PFKFB1: variants seen among roughly 807,000 people sequenced by gnomAD.
The protein encoded by PFKFB1 is 6-phosphofructo-2-kinase/fructose-2,6-bisphosphatase 1.
PFKFB1 carries 34 observed loss-of-function variants against 46.4 expected under a neutral mutation model. The observed-to-expected ratio is 0.73, with a 90% CI of 0.56 to 0.98. The LOEUF (loss-of-function observed/expected upper bound fraction) is 0.98, where lower values mean the gene tolerates loss of function less well. PFKFB1 is among the 50% of genes least tolerant of loss of function. The pLI is 0.00. For synonymous variants in PFKFB1, 119 were observed against 133.8 expected, an observed-to-expected ratio of 0.89 and a Z score of 0.76; for missense variants, 393 against 376.3, an observed-to-expected ratio of 1.04 and a Z score of -0.37.
At chrX:54,948,097 A>G (rs1211557535) in intron 9 of PFKFB1, among the ~76,000 whole-genome samples, 1 of 109,809 alleles carries the variant, frequency 9.1e-6, no homozygotes, top group Non-Finnish European at 1.9e-5. Flanking sequence ...TAATTTTTAA[A>G]TTGTTTGTAG....
intron 3 of PFKFB1, 132 bp from the exon 4 acceptor site, chrX:54,960,025 A>G: frequency 3.8e-6 from 2 of 523,743 alleles, no homozygotes; most frequent in Non-Finnish European, 6.7e-6. Flanking sequence ...ACATCTACAC[A>G]GGGTGCCCTA....
At chrX:54,961,531 A>G (rs1934315436) in intron 2 of PFKFB1, among the ~76,000 whole-genome samples, 1 of 112,153 alleles carries the variant, frequency 8.9e-6, no homozygotes, top group South Asian at 3.7e-4. Flanking sequence ...CAAAGAGTTA[A>G]TATTTCATTC....
rs774321022 is a variant in PFKFB1 at position 54,952,087 on chromosome X, C to T, written c.664G>A (p.Asp222Asn). 1.3e-5 allele frequency: 16 copies of T among 1,209,202 alleles called. No homozygotes were observed. The highest frequency in any genetic ancestry group is 3.0e-5 in the East Asian group (1 of 33,756). Residue 222 changes from aspartate (D) to asparagine (N), a missense_variant, in exon 8 of 14, where the codon GAC becomes AAC. Physicochemically the swap from Asp to Asn is conservative, Grantham distance 23. Coordinates refer to ENST00000375006, the MANE Select transcript of PFKFB1 (RefSeq NM_002625.4). ...TTCACCATGTAGCGTGTGCCCACGT[C>T]GAAGATCTTGATGTAGGACAGGTGG... Reference protein sequence around the residue: ...DSHLSYIKIFDVGTRYMVNRV... With the variant: ...DSHLSYIKIFNVGTRYMVNRV...
chrX:54,986,425 A>T (rs1935115084), intron 1 of PFKFB1, among the ~76,000 whole-genome samples: 1 of 112,736 alleles, frequency 8.9e-6, no homozygotes, highest in African/African-American at 3.2e-5. Context: ...GGATGTTCAA[A>T]AACATTACTA....
At chrX:54,988,279 TA>T (rs909159575) in intron 1 of PFKFB1, among the ~76,000 whole-genome samples, 26 of 111,596 alleles carry the variant, frequency 2.3e-4, no homozygotes, top group African/African-American at 8.4e-4. Flanking sequence ...AAGAACACTT[TA>T]AAAAATGTAA....
intron 11 of PFKFB1, among the ~76,000 whole-genome samples, chrX:54,935,559 T>C (rs1933361293): frequency 8.9e-6 from 1 of 112,523 alleles, no homozygotes; most frequent in Admixed American, 9.3e-5. Context: ...TGAATATTCA[T>C]ATGCATTCTT....
intron 1 of PFKFB1, among the ~76,000 whole-genome samples, chrX:54,972,248 T>A (rs1356321065): frequency 1.8e-5 from 2 of 110,684 alleles, no homozygotes; most frequent in Non-Finnish European, 3.8e-5. Context: ...GATGAGACAA[T>A]GGGGTTTTCT....
intron 1 of PFKFB1, among the ~76,000 whole-genome samples, chrX:54,991,552 T>C (rs1014612735): frequency 9.2e-6 from 1 of 108,241 alleles, no homozygotes; most frequent in African/African-American, 3.4e-5. Flanking sequence ...TGTGTGTGTG[T>C]GTGTGTGTGT....
In PFKFB1 at chrX:54,952,118, C is replaced by T. The variant is rs1934001349; in HGVS notation, c.639-6G>A. Reference sequence around the variant, plus strand: ...TCTTGATGTAGGACAGGTGGCTGGGCCAGACCCAAGCAGGAGCAAGGGCAG... The same window carrying T: ...TCTTGATGTAGGACAGGTGGCTGGGTCAGACCCAAGCAGGAGCAAGGGCAG... On this transcript the variant is annotated splice_region_variant and splice_polypyrimidine_tract_variant and intron_variant, in intron 7 of 13. Transcript: ENST00000375006. 1 of 1,201,505 alleles carries T rather than the reference C, an allele frequency of 8.3e-7. No homozygotes were observed. Among genetic ancestry groups the T allele is most frequent in the African/African-American group, 1.8e-5 (1 of 56,912 alleles).
intron 10 of PFKFB1, among the ~76,000 whole-genome samples, chrX:54,938,404 T>C (rs1933485484): frequency 8.9e-6 from 1 of 111,789 alleles, no homozygotes; most frequent in African/African-American, 3.3e-5. Flanking sequence ...ATATTAACCT[T>C]AAATGTAAAT....
intron 9 of PFKFB1, among the ~76,000 whole-genome samples, chrX:54,947,988 T>C (rs944029460): frequency 5.5e-5 from 6 of 108,620 alleles, no homozygotes; most frequent in Non-Finnish European, 1.1e-4. Flanking sequence ...AGTGGCATGA[T>C]CACAGCTCAC....
At chrX:54,967,275 T>G (rs1234755203) in intron 1 of PFKFB1, among the ~76,000 whole-genome samples, 1 of 112,034 alleles carries the variant, frequency 8.9e-6, no homozygotes, top group Non-Finnish European at 1.9e-5. Context: ...TACATTAAAT[T>G]ATCTTAAATT....
intron 1 of PFKFB1, among the ~76,000 whole-genome samples, chrX:54,993,642 T>G (rs941782334): frequency 8.9e-6 from 1 of 112,410 alleles, no homozygotes; most frequent in African/African-American, 3.2e-5. Context: ...AAACAAGCTC[T>G]GCATAAGAAA....
At chrX:54,934,891 G>A in intron 12 of PFKFB1, 56 bp downstream of exon 12, 1 of 989,406 alleles carries the variant, frequency 1.0e-6, no homozygotes, top group South Asian at 2.0e-5. Context: ...GTAGGCACTA[G>A]GGCCATGCTC....
intron 4 of PFKFB1, 76 bp from the exon 5 acceptor site, chrX:54,959,001 C>T: frequency 1.6e-6 from 1 of 631,372 alleles, no homozygotes. Context: ...CATCCCTGTG[C>T]TAAGTGGAGG....
intron 9 of PFKFB1, among the ~76,000 whole-genome samples, chrX:54,948,173 T>C (rs1270080875): frequency 9.0e-6 from 1 of 111,355 alleles, no homozygotes; most frequent in African/African-American, 3.3e-5. Context: ...TCCTCCCACC[T>C]AGCCCTCCCA....
rs769989683 is a variant in PFKFB1 at position 54,967,187 on chromosome X, C to T, written c.98-3805G>A. Among the ~76,000 whole-genome samples the T allele has an allele frequency of 3.6e-5, 4 of 112,097 alleles. No homozygotes were observed. The South Asian group carries it at 1.1e-3, about 31-fold the overall frequency. ...ATACTCACAATGTCCAGGATACAAACTACAATTAATCAGCATGCAAATAAC... is the reference window on the plus strand; with the variant it reads ...ATACTCACAATGTCCAGGATACAAATTACAATTAATCAGCATGCAAATAAC... On this transcript the variant is annotated intron_variant, in intron 1 of 13. Transcript: ENST00000375006.
chrX:54,942,638 G>A (rs1193777363), intron 10 of PFKFB1, among the ~76,000 whole-genome samples: 1 of 110,731 alleles, frequency 9.0e-6, no homozygotes, highest in East Asian at 2.8e-4. Flanking sequence ...TAACACACAA[G>A]GAAATAAGCT....
At position 54,958,861 on chromosome X, in the gene PFKFB1, T is replaced by C. The variant is rs139060082; in HGVS notation, c.449A>G (p.His150Arg). 1.9e-4 allele frequency: 220 copies of C among 1,179,851 alleles called. No individual in the cohort carries two copies. In the African/African-American group the frequency reaches 3.3e-3, roughly 18 times the overall value. ...GGAGTGTTACCATACCTTGTAACCA[T>C]GTTCTTTTGCAAACTGCAGGATCAG... ...RSLILQFAKE[H>R]GYKVFFIESI... The change falls in exon 5 of 14, where the codon CAT (histidine) becomes CGT (arginine). Residue 150 changes from histidine to arginine, a missense_variant. Transcript: ENST00000375006.
Sources: gnomAD v4.1 joint callset for allele counts (sites outside exome capture counted in the v4.1 genomes callset) on GRCh38, gnomAD v4.1.1 for gene constraint, MANE v1.5 for transcripts, NCBI Gene and HGNC (gene_info 2026-07-23, HGNC 2026-07-21) for gene names.